Variants in CSMD1 observed in about 807,000 individuals in gnomAD.
CSMD1 encodes CUB and Sushi multiple domains 1.
CSMD1 carries 213 observed loss-of-function variants against 417.5 expected under a neutral mutation model. The ratio of observed to expected loss-of-function variants is 0.51; its 90% CI spans 0.46 to 0.57. The LOEUF is 0.57. CSMD1 is among the 20% of genes least tolerant of loss of function. The pLI is 0.00. For synonymous variants in CSMD1, 2,862 were observed against 1,736.8 expected, an observed-to-expected ratio of 1.65 and a Z score of -16.11; for missense variants, 6,923 against 4,529.7, an observed-to-expected ratio of 1.53 and a Z score of -15.17.
chr8:4,841,925 A>AAAAAAAAAAAAAAAAC (rs1563561140), intron 1 of CSMD1, among the ~76,000 whole-genome samples: 27 of 98,790 alleles, frequency 2.7e-4, no homozygotes, highest in East Asian at 7.6e-4. Context: ...AAAAAAAAAA[A>AAAAAAAAAAAAAAAAC]AAAAAAAAAA....
intron 4 of CSMD1, among the ~76,000 whole-genome samples, chr8:4,026,064 G>C (rs914488011): frequency 2.0e-5 from 3 of 149,604 alleles, no homozygotes; most frequent in African/African-American, 7.4e-5. Context: ...AGTATTAATA[G>C]AACTTTGGGG....
At chr8:4,089,624 C>G (rs1229823020) in intron 3 of CSMD1, among the ~76,000 whole-genome samples, 2 of 152,132 alleles carry the variant, frequency 1.3e-5, no homozygotes, top group African/African-American at 4.8e-5. Flanking sequence ...ATTATGTGCA[C>G]TATTCTAAGG....
At chr8:3,172,254 T>C (rs1368562476) in intron 37 of CSMD1, among the ~76,000 whole-genome samples, 1 of 152,196 alleles carries the variant, frequency 6.6e-6, no homozygotes, top group East Asian at 1.9e-4. Flanking sequence ...TACATTTTTG[T>C]TTGTTTTGTT....
chr8:4,452,354 G>A (rs560119591), intron 2 of CSMD1, among the ~76,000 whole-genome samples: 2 of 152,136 alleles, frequency 1.3e-5, no homozygotes, highest in Non-Finnish European at 2.9e-5. Context: ...AATTCCACTG[G>A]GGTGACAAGT....
intron 3 of CSMD1, among the ~76,000 whole-genome samples, chr8:4,140,520 T>G (rs1422297095): frequency 2.0e-5 from 3 of 146,584 alleles, no homozygotes; most frequent in Non-Finnish European, 4.5e-5. Context: ...AAACAAAAAT[T>G]AGCTGAGTGT....
chr8:3,877,497 G>T (rs4388473), intron 5 of CSMD1, among the ~76,000 whole-genome samples: 2 of 151,840 alleles, frequency 1.3e-5, no homozygotes, highest in Non-Finnish European at 2.9e-5. Flanking sequence ...GACGAGGGAG[G>T]AAATTTACTT....
rs180827938 is a variant in CSMD1 at position 2,993,124 on chromosome 8, G to A, written c.8377+4887C>T. 1.1e-3 allele frequency among the ~76,000 whole-genome samples: 170 copies of A among 152,290 alleles called. 1 individual carries two copies. Among genetic ancestry groups the A allele is most frequent in the African/African-American group, 4.0e-3 (166 of 41,560 alleles). Reference sequence around the variant, plus strand: ...TCATCCAGTACTTGTGAATCCCAAAGCAGATTTTTTTTACTCATTAAAAAC... The same window carrying A: ...TCATCCAGTACTTGTGAATCCCAAAACAGATTTTTTTTACTCATTAAAAAC... On this transcript the variant is annotated intron_variant, in intron 54 of 69. Coordinates refer to ENST00000635120, the MANE Select transcript of CSMD1 (RefSeq NM_033225.6).
At chr8:3,783,100 T>A (rs977769679) in intron 5 of CSMD1, among the ~76,000 whole-genome samples, 6 of 152,096 alleles carry the variant, frequency 3.9e-5, no homozygotes, top group African/African-American at 1.4e-4. Context: ...ACCCCCAGCC[T>A]CCACCATCCT....
chr8:2,948,644 C>A (rs1290604383), intron 68 of CSMD1, among the ~76,000 whole-genome samples: 2 of 152,042 alleles, frequency 1.3e-5, no homozygotes, highest in South Asian at 4.1e-4. Flanking sequence ...GGGCAACATG[C>A]GGAGGTTATT....
chr8:3,476,908 G>T (rs78054944), intron 11 of CSMD1, among the ~76,000 whole-genome samples: 1 of 136,252 alleles, frequency 7.3e-6, no homozygotes, highest in Non-Finnish European at 1.5e-5. Flanking sequence ...GCGAAACTCC[G>T]CCTCAAAAAA....
chr8:4,106,608 T>C (rs532662670), intron 3 of CSMD1, among the ~76,000 whole-genome samples: 2 of 152,340 alleles, frequency 1.3e-5, no homozygotes, highest in Non-Finnish European at 2.9e-5. Context: ...TACGAATATA[T>C]TTTATTCACC....
At position 4,197,283 on chromosome 8, in the gene CSMD1, C is replaced by T. The variant is rs1021520375; in HGVS notation, c.416-165184G>A. 5.9e-5 allele frequency among the ~76,000 whole-genome samples: 9 copies of T among 152,300 alleles called. No individual in the cohort carries two copies. In the East Asian group the frequency reaches 9.6e-4, roughly 16 times the overall value. On this transcript the variant is annotated intron_variant, in intron 3 of 69. Transcript: ENST00000635120. ...GATTTTCAAATTGAGAAGTATTAGG[C>T]ATTAAGTATTATGATGGGTAATGTT...
chr8:4,692,668 C>T lies in CSMD1; in HGVS notation c.86-55110G>A, dbSNP rs905085404. ...AGGACTGACCAACTGTCCTGGTTTG[C>T]CGATGGTCACCATTTTATAACTGAA... is the stretch of plus-strand genomic sequence containing the variant. On this transcript the variant is annotated intron_variant, in intron 1 of 69. Coordinates refer to ENST00000635120, the MANE Select transcript of CSMD1 (RefSeq NM_033225.6). Among the ~76,000 whole-genome samples the T allele has an allele frequency of 3.3e-5, 5 of 152,134 alleles. No homozygotes were observed. The East Asian group carries it at 7.7e-4, about 23-fold the overall frequency.
chr8:3,994,657 T>C (rs145379260), intron 5 of CSMD1, among the ~76,000 whole-genome samples: 3 of 152,230 alleles, frequency 2.0e-5, no homozygotes, highest in Admixed American at 2.0e-4. Flanking sequence ...AATGTACCTA[T>C]AGCCTATGAG....
At chr8:3,329,290 G>A (rs947339294) in intron 23 of CSMD1, among the ~76,000 whole-genome samples, 3 of 152,100 alleles carry the variant, frequency 2.0e-5, no homozygotes, top group Non-Finnish European at 2.9e-5. Context: ...AGCAAGCAAA[G>A]GGGACTCTGG....
At chr8:3,456,079 C>A (rs1816107648) in intron 12 of CSMD1, among the ~76,000 whole-genome samples, 1 of 152,212 alleles carries the variant, frequency 6.6e-6, no homozygotes, top group African/African-American at 2.4e-5. Flanking sequence ...CAGCAATGAG[C>A]AAGCCTTCAT....
intron 10 of CSMD1, among the ~76,000 whole-genome samples, chr8:3,557,560 G>C (rs1310443613): frequency 2.0e-5 from 3 of 152,178 alleles, no homozygotes; most frequent in Admixed American, 1.3e-4. Flanking sequence ...TTTCCTTTTA[G>C]AGGTGAGCAA....
At chr8:4,310,917 A>G (rs1442345048) in intron 3 of CSMD1, among the ~76,000 whole-genome samples, 3 of 152,202 alleles carry the variant, frequency 2.0e-5, no homozygotes, top group Non-Finnish European at 4.4e-5. Flanking sequence ...AGTATCACTA[A>G]TCATTAGAGA....
intron 26 of CSMD1, among the ~76,000 whole-genome samples, chr8:3,268,887 A>AT (rs778306189): frequency 6.6e-6 from 1 of 152,158 alleles, no homozygotes; most frequent in Non-Finnish European, 1.5e-5. Flanking sequence ...CTGGATTCAT[A>AT]TTAGCAGAAA....
Sources: gnomAD v4.1 joint callset for allele counts (sites outside exome capture counted in the v4.1 genomes callset) on GRCh38, gnomAD v4.1.1 for gene constraint, MANE v1.5 for transcripts, NCBI Gene and HGNC (gene_info 2026-07-23, HGNC 2026-07-21) for gene names.